APBA2: variants seen among roughly 807,000 people sequenced by gnomAD.
The protein encoded by APBA2 is amyloid beta precursor protein binding family A member 2.
In APBA2, 30 loss-of-function variants were observed where a neutral mutation model predicts 75.0. The observed-to-expected ratio is 0.40, with a 90% CI of 0.30 to 0.54. The LOEUF is 0.54. Ranked by LOEUF, APBA2 falls within the 20% of genes least tolerant of loss-of-function variation. APBA2 has a pLI of 0.49. For synonymous variants in APBA2, 444 were observed against 409.6 expected, an observed-to-expected ratio of 1.08 and a Z score of -1.01; for missense variants, 801 against 1,016.1, an observed-to-expected ratio of 0.79 and a Z score of 2.88.
In APBA2 at chr15:29,045,569, G is replaced by A. The variant is rs140937184; in HGVS notation, c.-40-8276G>A. 4.8e-3 allele frequency among the ~76,000 whole-genome samples: 736 copies of A among 152,274 alleles called. 5 individuals are homozygous for A. The highest frequency in any genetic ancestry group is 0.017 in the African/African-American group (699 of 41,554). On this transcript the variant is annotated intron_variant, in intron 3 of 14. Coordinates refer to ENST00000683413, the MANE Select transcript of APBA2 (RefSeq NM_001353788.2). ...GGTCAGATGATATCTATTCAGCTGGGAAATAGGATGTAGCCATTAAAATGA... is the reference window on the plus strand; with the variant it reads ...GGTCAGATGATATCTATTCAGCTGGAAAATAGGATGTAGCCATTAAAATGA...
At chr15:29,004,248 G>C (rs1050728564) in intron 3 of APBA2, among the ~76,000 whole-genome samples, 7 of 152,192 alleles carry the variant, frequency 4.6e-5, no homozygotes, top group African/African-American at 1.4e-4. Context: ...TGTGGCTTCT[G>C]AGCAGACTTC....
chr15:28,895,187 C>T (rs1469134781), intron 1 of APBA2, among the ~76,000 whole-genome samples: 1 of 152,232 alleles, frequency 6.6e-6, no homozygotes, highest in Non-Finnish European at 1.5e-5. Context: ...ACCCTCGGCA[C>T]ACAGGGAGGC....
chr15:28,994,574 T>C (rs2038408781), intron 2 of APBA2, among the ~76,000 whole-genome samples: 1 of 152,176 alleles, frequency 6.6e-6, no homozygotes, highest in Admixed American at 6.5e-5. Context: ...GGAAACATCT[T>C]TAGCCTCCTC....
intron 1 of APBA2, among the ~76,000 whole-genome samples, chr15:28,889,417 G>A (rs2031981663): frequency 6.6e-6 from 1 of 152,244 alleles, no homozygotes; most frequent in South Asian, 2.1e-4. Flanking sequence ...GACTCTGCAA[G>A]TTGGCCCAGG....
intron 2 of APBA2, among the ~76,000 whole-genome samples, chr15:28,930,547 T>C (rs771013310): frequency 6.6e-6 from 1 of 152,202 alleles, no homozygotes; most frequent in Non-Finnish European, 1.5e-5. Flanking sequence ...TGACCTGTCT[T>C]GGAGCCGGCT....
intron 6 of APBA2, among the ~76,000 whole-genome samples, chr15:29,082,045 A>G (rs2152933726): frequency 6.6e-6 from 1 of 152,340 alleles, no homozygotes; most frequent in East Asian, 1.9e-4. Flanking sequence ...CCAACACTGC[A>G]TGACCGGCTG....
At chr15:29,034,714 C>T (rs1355436762) in intron 3 of APBA2, among the ~76,000 whole-genome samples, 1 of 152,216 alleles carries the variant, frequency 6.6e-6, no homozygotes, top group Non-Finnish European at 1.5e-5. Context: ...TACCCTACAG[C>T]AGTGGCTCTC....
chr15:29,062,306 G>A (rs575373243), intron 4 of APBA2, among the ~76,000 whole-genome samples: 13 of 152,252 alleles, frequency 8.5e-5, no homozygotes, highest in Admixed American at 2.6e-4. Context: ...GTCCCCTGTC[G>A]TCTGTACTGA....
At chr15:29,038,534 C>T (rs566700238) in intron 3 of APBA2, among the ~76,000 whole-genome samples, 2 of 152,172 alleles carry the variant, frequency 1.3e-5, no homozygotes, top group South Asian at 2.1e-4. Flanking sequence ...CCTGGTCCTG[C>T]GATTAGAGCC....
intron 2 of APBA2, among the ~76,000 whole-genome samples, chr15:28,934,530 G>A (rs1181855754): frequency 6.6e-6 from 1 of 152,204 alleles, no homozygotes; most frequent in African/African-American, 2.4e-5. Flanking sequence ...AGGTGTGCGA[G>A]GTCTATTGGC....
chr15:29,103,644 G>A (rs928641404), intron 10 of APBA2, among the ~76,000 whole-genome samples: 2 of 152,306 alleles, frequency 1.3e-5, no homozygotes, highest in African/African-American at 4.8e-5. Context: ...CTTCCGCGGG[G>A]GCGGAGGATG....
intron 8 of APBA2, among the ~76,000 whole-genome samples, chr15:29,094,988 G>C (rs2043780840): frequency 6.6e-6 from 1 of 151,888 alleles, no homozygotes; most frequent in African/African-American, 2.4e-5. Flanking sequence ...GAGCACTTGA[G>C]CCTGGGAGTT....
chr15:29,002,587 G>C (rs2038906276), intron 3 of APBA2, among the ~76,000 whole-genome samples: 1 of 152,042 alleles, frequency 6.6e-6, no homozygotes, highest in African/African-American at 2.4e-5. Context: ...GGGCTGCAGG[G>C]AGAGACCACC....
rs1223452548 is a variant in APBA2 at position 28,918,174 on chromosome 15, C to T, written c.-204-3466C>T. Among the ~76,000 whole-genome samples, 1 of 152,168 alleles carries T rather than the reference C, an allele frequency of 6.6e-6. No individual in the cohort carries two copies. The highest frequency in any genetic ancestry group is 1.5e-5 in the Non-Finnish European group (1 of 68,030). ...GTCTGCTTTGAGTTTTGCAGCGTTGCCTGCGGTCTCCGTGGGTGAGGGAAA... is the reference window on the plus strand; with the variant it reads ...GTCTGCTTTGAGTTTTGCAGCGTTGTCTGCGGTCTCCGTGGGTGAGGGAAA... On this transcript the variant is annotated intron_variant, in intron 1 of 14. Coordinates refer to ENST00000683413, the MANE Select transcript of APBA2 (RefSeq NM_001353788.2). This position sits in a 1 kb window ranked among gnomAD's most constrained non-coding sequence, Gnocchi z 4.2.
At chr15:29,053,634 C>A (rs181387553) in intron 3 of APBA2, among the ~76,000 whole-genome samples, 46 of 152,112 alleles carry the variant, frequency 3.0e-4, no homozygotes, top group African/African-American at 1.1e-3. Flanking sequence ...CTGCTTTTCC[C>A]GGAGCTCTGT....
intron 1 of APBA2, among the ~76,000 whole-genome samples, chr15:28,921,346 G>A (rs1163115725): frequency 1.3e-5 from 2 of 152,172 alleles, no homozygotes; most frequent in Non-Finnish European, 2.9e-5. Flanking sequence ...CCTGTGGCCC[G>A]AAATCATTAG....
At chr15:29,048,911 C>T (rs1012608657) in intron 3 of APBA2, among the ~76,000 whole-genome samples, 7 of 151,644 alleles carry the variant, frequency 4.6e-5, no homozygotes, top group African/African-American at 1.5e-4. Flanking sequence ...CCACTGCACT[C>T]CGGCCTGGCA....
intron 13 of APBA2, among the ~76,000 whole-genome samples, chr15:29,109,532 T>A (rs1273894707): frequency 6.6e-6 from 1 of 152,164 alleles, no homozygotes; most frequent in African/African-American, 2.4e-5. Flanking sequence ...GTGCTCTGTG[T>A]CTCGCTGGCA....
intron 4 of APBA2, among the ~76,000 whole-genome samples, chr15:29,064,481 G>GGT (rs2042289701): frequency 6.6e-6 from 1 of 152,204 alleles, no homozygotes; most frequent in African/African-American, 2.4e-5. Flanking sequence ...CCCCCATCCA[G>GGT]GTGTGGCCAG....
Sources: gnomAD v4.1 joint callset for allele counts (sites outside exome capture counted in the v4.1 genomes callset) on GRCh38, gnomAD v4.1.1 for gene constraint, Gnocchi (gnomAD v3.1) non-coding constraint, MANE v1.5 for transcripts, NCBI Gene and HGNC (gene_info 2026-07-23, HGNC 2026-07-21) for gene names.